The following MOV10 variants were observed in gnomAD, a reference collection of about 807,000 sequenced individuals.
The protein encoded by MOV10 is Mov10 RNA helicase.
MOV10 carries 39 observed loss-of-function variants against 108.4 expected under a neutral mutation model. The ratio of observed to expected loss-of-function variants is 0.36; its 90% CI spans 0.28 to 0.47. The LOEUF (loss-of-function observed/expected upper bound fraction) is 0.47, where lower values mean the gene tolerates loss of function less well. MOV10 is among the 20% of genes least tolerant of loss of function. The pLI is 1.00. For missense variants in MOV10, 952 were observed against 1,297.6 expected (o/e 0.73, Z 4.09); for synonymous variants, 490 against 523.1 (o/e 0.94, Z 0.86).
In MOV10 at chr1:112,694,696, G is replaced by A. The variant is rs538159315; in HGVS notation, c.1473-53G>A. On this transcript the variant is annotated intron_variant, in intron 9 of 20. Transcript: ENST00000369645. The surrounding 1 kb of genome is among the most constrained non-coding windows in gnomAD (Gnocchi z 4.1). ...TGGGCACAGGGGGTGGAGTCAGGGA[G>A]GCCTCTGGGTCACTGGATGACTTCA... 4.5e-4 allele frequency: 719 copies of A among 1,598,910 alleles called. 3 individuals are homozygous for A. The highest frequency in any genetic ancestry group is 2.7e-3 in the South Asian group (239 of 89,168).
Position 112,694,926 on chromosome 1 carries a change from C to T in MOV10, c.1620+30C>T. ...GGTCTGAGCACAAACCTGGGGCCTG[C>T]ACTCTGATTCCCCCAGCACCAAGCA... On this transcript the variant is annotated intron_variant, in intron 10 of 20. Coordinates refer to ENST00000369645, the MANE Select transcript of MOV10 (RefSeq NM_001321324.2). This position sits in a 1 kb window ranked among gnomAD's most constrained non-coding sequence, Gnocchi z 4.1. 1 of 1,600,482 alleles carries T rather than the reference C, an allele frequency of 6.2e-7. No individual in the cohort carries two copies. The highest frequency in any genetic ancestry group is 8.5e-7 in the Non-Finnish European group (1 of 1,170,854).
At position 112,683,651 on chromosome 1, in the gene MOV10, A is replaced by T. The variant is rs186072069; in HGVS notation, c.138-5284A>T. On this transcript the variant is annotated intron_variant, in intron 2 of 20. Coordinates refer to ENST00000369645, the MANE Select transcript of MOV10 (RefSeq NM_001321324.2). The stretch of plus-strand genomic sequence containing the variant: ...GCTGTGCCTGGCCTGGTTGTTCCGT[A>T]TCCTTACCAGTGTTTCGTATTGTGA... Among the ~76,000 whole-genome samples, 44 of 152,198 alleles carry T rather than the reference A, an allele frequency of 2.9e-4. No homozygotes were observed. The East Asian group carries it at 6.6e-3, about 23-fold the overall frequency.
chr1:112,689,818 T>G, intron 4 of MOV10, 22 bp from the exon 5 acceptor site: 13 of 1,610,052 alleles, frequency 8.1e-6, no homozygotes, highest in Non-Finnish European at 1.0e-5. Flanking sequence ...CTACCCCCAT[T>G]CACTCATCCA....
rs1174716440 is a variant in MOV10, at chr1:112,696,147, G to T, written c.1780-1G>T. On this transcript the variant is annotated splice_acceptor_variant, in intron 11 of 20. Transcript: ENST00000369645. LOFTEE classifies it high-confidence loss of function. ...TCCTCTGGTCCCTTCACAATCCACAGCCCTGCTGCAACTGGGACGCAAAGA... is the reference window on the plus strand; with the variant it reads ...TCCTCTGGTCCCTTCACAATCCACATCCCTGCTGCAACTGGGACGCAAAGA... 6.2e-7 allele frequency: 1 copy of T among 1,609,630 alleles called. No homozygotes were observed. Among genetic ancestry groups the T allele is most frequent in the Non-Finnish European group, 8.5e-7 (1 of 1,177,088 alleles).
rs946855085 is a variant in MOV10, at chr1:112,675,749, CAA to C, written c.137+702_137+703del. On this transcript the variant is annotated intron_variant, in intron 2 of 20. Transcript: ENST00000369645. The surrounding 1 kb of genome is among the most constrained non-coding windows in gnomAD (Gnocchi z 4.7). ...TTCCTGCTACCACCCAAGTGAAAAT[CAA>C]AGAGTCTTCTGTCACACCACAGAAT... Among the ~76,000 whole-genome samples, 21 of 152,330 alleles carry C rather than the reference CAA, an allele frequency of 1.4e-4. No individual in the cohort carries two copies. Among genetic ancestry groups the C allele is most frequent in the African/African-American group, 4.8e-4 (20 of 41,584 alleles).
At position 112,694,636 on chromosome 1, in the gene MOV10, CTG is replaced by C. The variant is rs1327429318; in HGVS notation, c.1472+10_1472+11del. 2 of 1,595,692 alleles carry C rather than the reference CTG, an allele frequency of 1.3e-6. No homozygotes were observed. The highest frequency in any genetic ancestry group is 1.7e-6 in the Non-Finnish European group (2 of 1,169,252). On this transcript the variant is annotated splice_region_variant and intron_variant, in intron 9 of 20. Coordinates refer to ENST00000369645, the MANE Select transcript of MOV10 (RefSeq NM_001321324.2). The surrounding 1 kb of genome is among the most constrained non-coding windows in gnomAD (Gnocchi z 4.1). ...CCTCAGATGTGAAACTCAAGTGAGA[CTG>C]TGGGCAGGGAGCTTCTGGAGCCACT...
rs773846973 is a variant in MOV10, at chr1:112,698,282, T to G, written c.2317-5T>G. 1 of 1,612,552 alleles carries G rather than the reference T, an allele frequency of 6.2e-7. No individual in the cohort carries two copies. The highest frequency in any genetic ancestry group is 8.5e-7 in the Non-Finnish European group (1 of 1,178,902). Reference sequence around the variant, plus strand: ...GCTGACGGTTTCCCCCGACCCCATGTCCAGGGCTTTCCCATCATCTTTCAC... The same window carrying G: ...GCTGACGGTTTCCCCCGACCCCATGGCCAGGGCTTTCCCATCATCTTTCAC... On this transcript the variant is annotated splice_polypyrimidine_tract_variant and splice_region_variant and intron_variant, in intron 15 of 20. Coordinates refer to ENST00000369645, the MANE Select transcript of MOV10 (RefSeq NM_001321324.2).
At chr1:112,678,286 G>A (rs1441975122) in intron 2 of MOV10, among the ~76,000 whole-genome samples, 3 of 152,082 alleles carry the variant, frequency 2.0e-5, no homozygotes, top group Non-Finnish European at 1.5e-5. Flanking sequence ...TATGGGGTAA[G>A]GACTGATGTC....
intron 6 of MOV10, 64 bp downstream of exon 6, chr1:112,691,863 C>A: frequency 1.3e-6 from 2 of 1,554,094 alleles, no homozygotes; most frequent in East Asian, 2.3e-5. Context: ...CTTTGCATTG[C>A]CCTGGCACCT....
intron 19 of MOV10, 78 bp downstream of exon 19, chr1:112,700,060 G>A: frequency 6.3e-7 from 1 of 1,589,096 alleles, no homozygotes; most frequent in Non-Finnish European, 8.6e-7. Context: ...TTAAGCGCTT[G>A]CTTATCGCTC....
chr1:112,690,371 T>C (rs1435102962), intron 5 of MOV10, among the ~76,000 whole-genome samples: 1 of 152,218 alleles, frequency 6.6e-6, no homozygotes, highest in Non-Finnish European at 1.5e-5. Flanking sequence ...TTTTTTGTTT[T>C]TGTTTTGAGA....
At position 112,689,049 on chromosome 1, in the gene MOV10, C is replaced by T. The variant is rs769053734; in HGVS notation, c.252C>T (p.Asp84=). 1.2e-5 allele frequency: 19 copies of T among 1,612,546 alleles called. No homozygotes were observed. The highest frequency in any genetic ancestry group is 6.7e-5 in the East Asian group (3 of 44,884). ...VRFFRLDRWA[D]VRFPEKRRMK... ...TCTTCAGACTCGACCGCTGGGCCGACGTGCGGTTCCCAGAAAAGAGGAGAA... is the reference window on the plus strand; with the variant it reads ...TCTTCAGACTCGACCGCTGGGCCGATGTGCGGTTCCCAGAAAAGAGGAGAA... The change falls in exon 3 of 21, where the codon GAC becomes GAT. Residue 84 remains aspartate, a synonymous_variant. Coordinates refer to ENST00000369645, the MANE Select transcript of MOV10 (RefSeq NM_001321324.2).
rs760900913 is a variant in MOV10, at chr1:112,689,002, G to T, written c.205G>T (p.Val69Phe). 4 of 1,612,544 alleles carry T rather than the reference G, an allele frequency of 2.5e-6. No individual in the cohort carries two copies. In the Admixed American group the frequency reaches 6.7e-5, roughly 27 times the overall value. Reference sequence around the variant, plus strand: ...AATGAAGATTGCAAATCTGGCCTACGTCACCAAGACTCGGGTCAGGTTCTT... The same window carrying T: ...AATGAAGATTGCAAATCTGGCCTACTTCACCAAGACTCGGGTCAGGTTCTT... ...YGMKIANLAY[V>F]TKTRVRFFRL... Residue 69 changes from valine (V) to phenylalanine (F), a missense_variant, in exon 3 of 21, where the codon GTC becomes TTC. By Grantham distance (50) the Val-to-Phe change is conservative. Around this residue, in one of 5 missense-constraint regions of MOV10, gnomAD observed 374 missense variants for 468.6 expected, o/e 0.80. Coordinates refer to ENST00000369645, the MANE Select transcript of MOV10 (RefSeq NM_001321324.2).
rs1031116449 is a variant in MOV10, at chr1:112,675,250, G to A, written c.137+201G>A. 3.3e-5 allele frequency among the ~76,000 whole-genome samples: 5 copies of A among 151,922 alleles called. No homozygotes were observed. Among genetic ancestry groups the A allele is most frequent in the Admixed American group, 1.3e-4 (2 of 15,258 alleles). ...GCGCCGCCCGGAGCCCGCCAGTTCTGCCCGAGCTGGGCCCCTGCGCCAAGT... is the reference window on the plus strand; with the variant it reads ...GCGCCGCCCGGAGCCCGCCAGTTCTACCCGAGCTGGGCCCCTGCGCCAAGT... On this transcript the variant is annotated intron_variant, in intron 2 of 20. Transcript: ENST00000369645. This position sits in a 1 kb window ranked among gnomAD's most constrained non-coding sequence, Gnocchi z 4.7.
chr1:112,696,078 C>T, intron 11 of MOV10, 70 bp from the exon 12 acceptor site: 2 of 1,032,594 alleles, frequency 1.9e-6, no homozygotes, highest in Non-Finnish European at 1.5e-6. Flanking sequence ...AGGGGGGGTA[C>T]CCACAGCCAG....
At chr1:112,686,712 CTT>C (rs1673107196) in intron 2 of MOV10, among the ~76,000 whole-genome samples, 1 of 152,198 alleles carries the variant, frequency 6.6e-6, no homozygotes, top group African/African-American at 2.4e-5. Flanking sequence ...CCCTCCTCCT[CTT>C]GTCTTACATC....
chr1:112,694,003 G>A lies in MOV10; in HGVS notation c.1141-15G>A. 2 of 1,613,788 alleles carry A rather than the reference G, an allele frequency of 1.2e-6. No individual in the cohort carries two copies. The highest frequency in any genetic ancestry group is 1.1e-5 in the South Asian group (1 of 91,076). ...ATCCCTGGGACAGAAGCTTGCTTGTGTTCACACCCCATAGGTTCCTGGAGT... is the reference window on the plus strand; with the variant it reads ...ATCCCTGGGACAGAAGCTTGCTTGTATTCACACCCCATAGGTTCCTGGAGT... On this transcript the variant is annotated splice_polypyrimidine_tract_variant and intron_variant, in intron 7 of 20. Coordinates refer to ENST00000369645, the MANE Select transcript of MOV10 (RefSeq NM_001321324.2). This position sits in a 1 kb window ranked among gnomAD's most constrained non-coding sequence, Gnocchi z 4.1.
At chr1:112,689,259 TG>T (rs1673345756) in intron 3 of MOV10, 121 bp downstream of exon 3, 2 of 1,244,402 alleles carry the variant, frequency 1.6e-6, no homozygotes, top group Non-Finnish European at 2.3e-6. Context: ...CTTCAGGGAA[TG>T]GGGGAAGGGC....
intron 2 of MOV10, among the ~76,000 whole-genome samples, chr1:112,682,477 C>G (rs375662425): frequency 3.9e-5 from 6 of 152,224 alleles, no homozygotes; most frequent in African/African-American, 1.4e-4. Flanking sequence ...ACCACTGTGC[C>G]GGGCCTTTAA....
Sources: gnomAD v4.1 joint callset for allele counts (sites outside exome capture counted in the v4.1 genomes callset) on GRCh38, gnomAD v4.1.1 for gene constraint, gnomAD v4.1.1 regional missense constraint, Gnocchi (gnomAD v3.1) non-coding constraint, MANE v1.5 for transcripts, NCBI Gene and HGNC (gene_info 2026-07-23, HGNC 2026-07-21) for gene names.